The following VPS8 variants were observed in gnomAD, a reference collection of about 807,000 sequenced individuals.
The protein encoded by VPS8 is VPS8 subunit of CORVET complex, also known as vacuolar protein sorting-associated protein 8 homolog.
Under a neutral mutation model 216.4 loss-of-function variants are expected in VPS8, and 129 were observed. The observed-to-expected ratio is 0.60, with a 90% confidence interval of 0.52 to 0.69. The LOEUF (loss-of-function observed/expected upper bound fraction) is 0.69, where lower values mean the gene tolerates loss of function less well. VPS8 is among the 30% of genes least tolerant of loss of function. The pLI is 0.00. For synonymous variants in VPS8, 571 were observed against 565.4 expected (o/e 1.01, Z -0.14); for missense variants, 1,531 against 1,683.5 (o/e 0.91, Z 1.59).
rs1289573433 is a variant in VPS8 at position 184,966,662 on chromosome 3, A to G, written c.3274-9A>G. 1 of 1,554,976 alleles carries G rather than the reference A, an allele frequency of 6.4e-7. No homozygotes were observed. The highest frequency in any genetic ancestry group is 8.7e-7 in the Non-Finnish European group (1 of 1,144,828). The stretch of plus-strand genomic sequence containing the variant: ...CCTTTTTAACTCCTATGTTCTTTTT[A>G]TCTCCTAGAGACTACAAAGCAAACT... On this transcript the variant is annotated splice_polypyrimidine_tract_variant and intron_variant, in intron 38 of 47. Coordinates refer to ENST00000625842, the MANE Select transcript of VPS8 (RefSeq NM_001009921.3).
At chr3:184,850,805 G>T (rs977384084) in intron 10 of VPS8, among the ~76,000 whole-genome samples, 2 of 152,208 alleles carry the variant, frequency 1.3e-5, no homozygotes, top group Non-Finnish European at 2.9e-5. Flanking sequence ...TTTAAAGTCT[G>T]CAAGCATCTG....
intron 3 of VPS8, among the ~76,000 whole-genome samples, chr3:184,830,268 G>A (rs1719712300): frequency 6.6e-6 from 1 of 150,706 alleles, no homozygotes. Context: ...ATATAGGTGT[G>A]GATCTGAGTC....
chr3:184,961,735 T>A (rs936934740), intron 37 of VPS8, among the ~76,000 whole-genome samples: 5 of 136,346 alleles, frequency 3.7e-5, no homozygotes, highest in African/African-American at 8.4e-5. Flanking sequence ...TTTTTTTTTT[T>A]ACCAATTTTT....
intron 1 of VPS8, 172 bp downstream of exon 1, chr3:184,812,397 C>G (rs577472340): frequency 2.0e-5 from 3 of 152,290 alleles, no homozygotes; most frequent in South Asian, 2.1e-4. Flanking sequence ...TAACCGGACC[C>G]GAGCCACGGG....
intron 1 of VPS8, among the ~76,000 whole-genome samples, chr3:184,820,267 C>A (rs1461241288): frequency 1.3e-5 from 2 of 152,240 alleles, no homozygotes; most frequent in South Asian, 4.1e-4. Flanking sequence ...TCTCGGAGAC[C>A]ATCTGTTTCC....
Position 185,003,479 on chromosome 3 carries a change from T to G in VPS8, c.4002+3618T>G, listed in dbSNP as rs1229320481. On this transcript the variant is annotated intron_variant, in intron 45 of 47. Coordinates refer to ENST00000625842, the MANE Select transcript of VPS8 (RefSeq NM_001009921.3). ...GAGCACAGGGTTGGGGGTAAGGTCA[T>G]AGATCAACAGGATCCCAAGGCAGAA... 3.5e-3 allele frequency among the ~76,000 whole-genome samples: 499 copies of G among 144,234 alleles called. 12 individuals carry two copies. Among genetic ancestry groups the G allele is most frequent in the Admixed American group, 0.033 (468 of 14,382 alleles). The allele number at this position is 144,234 out of a possible 152,430, so 94.6% of individuals were successfully genotyped here. A position where few individuals can be genotyped will look rare whatever the true frequency, so the allele number is the denominator to read the frequency against.
At chr3:184,977,884 C>CTTTTTTT (rs55727843) in intron 40 of VPS8, among the ~76,000 whole-genome samples, 54 of 131,208 alleles carry the variant, frequency 4.1e-4, no homozygotes, top group African/African-American at 5.3e-4. Context: ...TTTCTTTTTT[C>CTTTTTTT]TTTTTTTTTT....
chr3:184,993,426 C>T (rs114864800), intron 42 of VPS8, among the ~76,000 whole-genome samples: 1,984 of 151,812 alleles, frequency 0.013, 24 homozygotes, highest in Middle Eastern at 0.034. Flanking sequence ...CTTGGCATAC[C>T]TCATATGAAA....
chr3:184,905,473 CTT>C (rs1322525767), intron 25 of VPS8, among the ~76,000 whole-genome samples: 2 of 152,086 alleles, frequency 1.3e-5, no homozygotes, highest in East Asian at 1.9e-4. Flanking sequence ...TAATTTGACT[CTT>C]CTCTCTTTTT....
chr3:184,852,623 A>G, intron 11 of VPS8, 56 bp downstream of exon 11: 1 of 1,539,908 alleles, frequency 6.5e-7, no homozygotes, highest in Non-Finnish European at 8.9e-7. Context: ...TGTTTTAATG[A>G]TTTGAAATTG....
intron 46 of VPS8, among the ~76,000 whole-genome samples, chr3:185,031,091 T>A (rs1302214997): frequency 6.9e-6 from 1 of 144,562 alleles, no homozygotes; most frequent in East Asian, 2.0e-4. Flanking sequence ...TTTTTTTTTT[T>A]AAGGGAAAAA....
chr3:184,843,559 G>C (rs1722572816), intron 8 of VPS8, among the ~76,000 whole-genome samples: 1 of 151,728 alleles, frequency 6.6e-6, no homozygotes, highest in African/African-American at 2.4e-5. Context: ...ATCTTTTTTG[G>C]CATAAACTTT....
intron 28 of VPS8, among the ~76,000 whole-genome samples, chr3:184,918,761 C>G (rs75712309): frequency 0.013 from 1,961 of 152,180 alleles, 24 homozygotes; most frequent in South Asian, 0.039. Flanking sequence ...TGGTACCTTC[C>G]CTTTGTACCT....
chr3:185,042,790 T>A (rs763230066), intron 46 of VPS8, among the ~76,000 whole-genome samples: 14 of 152,186 alleles, frequency 9.2e-5, no homozygotes, highest in Non-Finnish European at 7.3e-5. Context: ...TAATCCATTT[T>A]TAAAAAAATA....
chr3:184,812,803 C>T (rs907573894), intron 1 of VPS8: 2 of 152,280 alleles, frequency 1.3e-5, no homozygotes, highest in African/African-American at 4.8e-5. Flanking sequence ...TGTAGCCGGT[C>T]TGTCGGGCCT....
At position 184,930,485 on chromosome 3, in the gene VPS8, T is replaced by A. The variant is rs776742377; in HGVS notation, c.2815T>A (p.Tyr939Asn). Reference sequence around the variant, plus strand: ...TGCTCTTCAGGAAGAAGTCTTTAATTACATTCACAATATCTTATCCATTCC... The same window carrying A: ...TGCTCTTCAGGAAGAAGTCTTTAATAACATTCACAATATCTTATCCATTCC... ...DPLREEEVFN[Y>N]IHNILSIPGH... Residue 939 changes from tyrosine (Y) to asparagine (N), a missense_variant, in exon 34 of 48, where the codon TAC (tyrosine) becomes AAC (asparagine). Coordinates refer to ENST00000625842, the MANE Select transcript of VPS8 (RefSeq NM_001009921.3). 72 of 1,612,294 alleles carry A rather than the reference T, an allele frequency of 4.5e-5. 1 individual carries two copies. In the South Asian group the frequency reaches 7.4e-4, roughly 16 times the overall value.
chr3:184,819,787 A>T (rs1717154201), intron 1 of VPS8, among the ~76,000 whole-genome samples: 1 of 152,196 alleles, frequency 6.6e-6, no homozygotes. Context: ...CAAAAACTTT[A>T]CTACTACTAC....
At chr3:184,972,506 A>C (rs1310948775) in intron 40 of VPS8, among the ~76,000 whole-genome samples, 2 of 152,216 alleles carry the variant, frequency 1.3e-5, no homozygotes, top group African/African-American at 4.8e-5. Flanking sequence ...TTGGTTGCAC[A>C]CTAGAGTCAC....
intron 22 of VPS8, among the ~76,000 whole-genome samples, chr3:184,892,815 C>T (rs1262737627): frequency 1.3e-5 from 2 of 152,154 alleles, no homozygotes; most frequent in Non-Finnish European, 2.9e-5. Flanking sequence ...TTAATTCTCT[C>T]CCCAAGGCTT....
Sources: gnomAD v4.1 joint callset for allele counts (sites outside exome capture counted in the v4.1 genomes callset) on GRCh38, gnomAD v4.1.1 for gene constraint, MANE v1.5 for transcripts, NCBI Gene and HGNC (gene_info 2026-07-23, HGNC 2026-07-21) for gene names.